Variants in PLCB1 observed in about 807,000 individuals in gnomAD.
PLCB1 encodes 1-phosphatidylinositol 4,5-bisphosphate phosphodiesterase beta-1.
Under a neutral mutation model 161.8 loss-of-function variants are expected in PLCB1, and 46 were observed. The observed-to-expected ratio is 0.28, with a 90% CI of 0.22 to 0.36. The LOEUF is 0.36. Among genes scored for constraint, PLCB1 ranks in the 10% least tolerant of loss-of-function variants. The pLI is 1.00. For synonymous variants in PLCB1, 517 were observed against 503.7 expected, an observed-to-expected ratio of 1.03 and a Z score of -0.35; for missense variants, 1,016 against 1,472.5, an observed-to-expected ratio of 0.69 and a Z score of 5.07.
At chr20:8,509,733 GATA>G (rs1983791932) in intron 3 of PLCB1, among the ~76,000 whole-genome samples, 2 of 3,910 alleles carry the variant, frequency 5.1e-4, no homozygotes, top group African/African-American at 8.5e-4. Flanking sequence ...GCAGATCATA[GATA>G]GATAGATAGA....
chr20:8,359,028 T>C (rs1047535970), intron 2 of PLCB1, among the ~76,000 whole-genome samples: 6 of 152,242 alleles, frequency 3.9e-5, no homozygotes, highest in South Asian at 2.1e-4. Flanking sequence ...CTTCTGTATT[T>C]TGTTTCAACC....
chr20:8,879,831 C>T (rs1046258673), intron 31 of PLCB1, among the ~76,000 whole-genome samples: 5 of 152,112 alleles, frequency 3.3e-5, no homozygotes, highest in Admixed American at 1.3e-4. Flanking sequence ...TTCACCCTGG[C>T]ATTCCAGGGA....
chr20:8,818,977 C>T (rs1254240826), intron 31 of PLCB1, among the ~76,000 whole-genome samples: 1 of 150,844 alleles, frequency 6.6e-6, no homozygotes, highest in Non-Finnish European at 1.5e-5. Context: ...CCAAATTGAT[C>T]TATAGATTAA....
chr20:8,549,126 G>C (rs1285667744), intron 3 of PLCB1, among the ~76,000 whole-genome samples: 1 of 152,082 alleles, frequency 6.6e-6, no homozygotes, highest in Non-Finnish European at 1.5e-5. Context: ...TAACAAGCCT[G>C]CATGTTCTGC....
chr20:8,312,121 A>G (rs536583625), intron 2 of PLCB1, among the ~76,000 whole-genome samples: 2 of 152,234 alleles, frequency 1.3e-5, no homozygotes, highest in African/African-American at 2.4e-5. Context: ...TGTGAGGATT[A>G]GTTGGGAAGA....
At chr20:8,688,966 C>T (rs1990414733) in intron 10 of PLCB1, among the ~76,000 whole-genome samples, 1 of 152,148 alleles carries the variant, frequency 6.6e-6, no homozygotes, top group Non-Finnish European at 1.5e-5. Context: ...ATTGATTCTA[C>T]CCATCCATGA....
chr20:8,881,485 A>C, intron 31 of PLCB1, 137 bp from the exon 32 acceptor site: 1 of 703,432 alleles, frequency 1.4e-6, no homozygotes, highest in Non-Finnish European at 2.5e-6. Flanking sequence ...CATCTCCTCT[A>C]TAGGTGACCA....
At chr20:8,540,227 C>T (rs1212583347) in intron 3 of PLCB1, among the ~76,000 whole-genome samples, 2 of 151,990 alleles carry the variant, frequency 1.3e-5, no homozygotes, top group Non-Finnish European at 2.9e-5. Context: ...AGTTTTGGTG[C>T]CTGATGAATG....
chr20:8,588,959 A>T (rs6055931), intron 3 of PLCB1, among the ~76,000 whole-genome samples: 61,381 of 151,968 alleles, frequency 0.4, 13,256 homozygotes, highest in African/African-American at 0.57. Context: ...ACAAAAATCT[A>T]CAAACACATA....
At chr20:8,346,521 T>A (rs1281956863) in intron 2 of PLCB1, among the ~76,000 whole-genome samples, 1 of 152,192 alleles carries the variant, frequency 6.6e-6, no homozygotes, top group Non-Finnish European at 1.5e-5. Flanking sequence ...ACAGCTCACA[T>A]TGTACCTTTT....
At chr20:8,180,402 G>C (rs2123087879) in intron 2 of PLCB1, among the ~76,000 whole-genome samples, 2 of 152,204 alleles carry the variant, frequency 1.3e-5, no homozygotes, top group Middle Eastern at 3.4e-3. Flanking sequence ...AAGGATATTG[G>C]CCTGAAGTTT....
At chr20:8,266,284 T>C (rs956077370) in intron 2 of PLCB1, among the ~76,000 whole-genome samples, 1 of 152,158 alleles carries the variant, frequency 6.6e-6, no homozygotes, top group East Asian at 1.9e-4. Context: ...ATTAGCTTGT[T>C]GGTTTCATTT....
At chr20:8,793,325 C>T (rs150381056) in intron 31 of PLCB1, among the ~76,000 whole-genome samples, 190 of 152,246 alleles carry the variant, frequency 1.2e-3, no homozygotes, top group Non-Finnish European at 2.2e-3. Context: ...AAGAAGAAAC[C>T]ATGCCAAACT....
At chr20:8,812,086 C>A (rs1329343489) in intron 31 of PLCB1, among the ~76,000 whole-genome samples, 1 of 151,938 alleles carries the variant, frequency 6.6e-6, no homozygotes, top group East Asian at 1.9e-4. Flanking sequence ...ATTCCTTTAA[C>A]TTCTTCTAAC....
At chr20:8,466,389 G>T (rs913853863) in intron 3 of PLCB1, among the ~76,000 whole-genome samples, 1 of 150,476 alleles carries the variant, frequency 6.6e-6, no homozygotes, top group African/African-American at 2.5e-5. Flanking sequence ...CGAGTTAGTG[G>T]GTGCAGCGCA....
intron 2 of PLCB1, among the ~76,000 whole-genome samples, chr20:8,269,839 T>C (rs191738118): frequency 6.6e-6 from 1 of 152,118 alleles, no homozygotes; most frequent in Admixed American, 6.6e-5. Flanking sequence ...TAGGAAGCTC[T>C]GAGAAATAAA....
chr20:8,388,759 G>T (rs988687872), intron 3 of PLCB1, among the ~76,000 whole-genome samples: 1 of 152,168 alleles, frequency 6.6e-6, no homozygotes, highest in Non-Finnish European at 1.5e-5. Context: ...ATCTGTGTGT[G>T]TGCGTGCATG....
intron 7 of PLCB1, among the ~76,000 whole-genome samples, chr20:8,650,936 TG>T (rs1392469972): frequency 6.6e-6 from 1 of 152,142 alleles, no homozygotes; most frequent in Non-Finnish European, 1.5e-5. Flanking sequence ...GCATGTAACA[TG>T]CTTTCATTTT....
chr20:8,447,310 T>C (rs1980877436), intron 3 of PLCB1, among the ~76,000 whole-genome samples: 1 of 152,194 alleles, frequency 6.6e-6, no homozygotes. Context: ...CCTCCGGTGC[T>C]AGCTGTGAAA....
Sources: allele counts gnomAD v4.1 joint callset (sites outside exome capture counted in the v4.1 genomes callset), GRCh38; gene constraint gnomAD v4.1.1; transcripts MANE v1.5; gene names NCBI Gene and HGNC (gene_info 2026-07-23, HGNC 2026-07-21).